Variants in CFAP44 observed in about 807,000 individuals in gnomAD.
The protein encoded by CFAP44 is cilia- and flagella-associated protein 44.
CFAP44 carries 134 observed loss-of-function variants against 216.2 expected under a neutral mutation model. The ratio of observed to expected loss-of-function variants is 0.62; its 90% CI spans 0.54 to 0.72. CFAP44 has a LOEUF of 0.72. Among genes scored for constraint, CFAP44 ranks in the 30% least tolerant of loss-of-function variants. CFAP44 has a pLI of 0.00. For synonymous variants in CFAP44, 700 were observed against 727.6 expected (o/e 0.96, Z 0.61); for missense variants, 2,035 against 2,182.1 (o/e 0.93, Z 1.34).
At chr3:113,299,068 TCA>T (rs560630771) in intron 32 of CFAP44, among the ~76,000 whole-genome samples, 8 of 152,284 alleles carry the variant, frequency 5.3e-5, no homozygotes, top group Non-Finnish European at 7.4e-5. Flanking sequence ...TAAATTAAAA[TCA>T]CACAGTTATT....
rs1015087134 is a variant in CFAP44 at position 113,317,825 on chromosome 3, T to A, written c.4516+8620A>T. ...GATGTTGCATATCTCCCTGCTACAG[T>A]CTTTTTGCAAGGGGGCCCCATGGCC... On this transcript the variant is annotated intron_variant, in intron 28 of 34. Transcript: ENST00000393845. Among the ~76,000 whole-genome samples, 45 of 152,282 alleles carry A rather than the reference T, an allele frequency of 3.0e-4. 1 individual carries two copies. The highest frequency in any genetic ancestry group is 2.9e-5 in the Non-Finnish European group (2 of 68,012).
chr3:113,295,775 G>C (rs530196005), intron 33 of CFAP44, among the ~76,000 whole-genome samples: 17 of 152,286 alleles, frequency 1.1e-4, no homozygotes, highest in African/African-American at 4.1e-4. Context: ...TCTATGCCTT[G>C]TTACAAAATT....
chr3:113,358,715 A>G, intron 22 of CFAP44, 30 bp downstream of exon 22: 1 of 1,535,320 alleles, frequency 6.5e-7, no homozygotes, highest in Non-Finnish European at 8.7e-7. Context: ...GCTCTCAAAC[A>G]TCTTAGCTTG....
rs1398651574 is a variant in CFAP44, at chr3:113,433,449, AAAAAAAAG to A, written c.100+108_100+115del. ...CATCTCAAAAAAAAAAAAAAAAAAA[AAAAAAAAG>A]ATCTATTTTATAACATCCTGCTCTT... On this transcript the variant is annotated intron_variant, in intron 2 of 34. Coordinates refer to ENST00000393845, the MANE Select transcript of CFAP44 (RefSeq NM_001164496.2). 19 of 450,718 alleles carry A rather than the reference AAAAAAAAG, an allele frequency of 4.2e-5. 2 individuals are homozygous for A. Among genetic ancestry groups the A allele is most frequent in the Non-Finnish European group, 6.2e-5 (17 of 272,332 alleles). 27.9% of individuals were successfully genotyped at this position (450,718 alleles called of 1,614,324 possible).
intron 15 of CFAP44, among the ~76,000 whole-genome samples, chr3:113,389,801 C>T (rs946715902): frequency 7.9e-5 from 12 of 151,882 alleles, no homozygotes; most frequent in Admixed American, 2.6e-4. Flanking sequence ...CAAGACTGAA[C>T]CATGAAGAAA....
At chr3:113,391,701 A>C (rs1167538165) in intron 15 of CFAP44, among the ~76,000 whole-genome samples, 1 of 150,872 alleles carries the variant, frequency 6.6e-6, no homozygotes, top group Non-Finnish European at 1.5e-5. Flanking sequence ...AAACAACTCT[A>C]TGGGGGAAAA....
Position 113,373,569 on chromosome 3 carries a change from T to G in CFAP44, c.2299-13A>C. Reference sequence around the variant, plus strand: ...AATCATAGCCACCCTAGAAAAGAGATAAGTAACATAGAAGGTGGTACTTGA... The same window carrying G: ...AATCATAGCCACCCTAGAAAAGAGAGAAGTAACATAGAAGGTGGTACTTGA... On this transcript the variant is annotated splice_polypyrimidine_tract_variant and intron_variant, in intron 17 of 34. Coordinates refer to ENST00000393845, the MANE Select transcript of CFAP44 (RefSeq NM_001164496.2). 6.4e-7 allele frequency: 1 copy of G among 1,562,828 alleles called. No individual in the cohort carries two copies. Among genetic ancestry groups the G allele is most frequent in the Non-Finnish European group, 8.7e-7 (1 of 1,153,792 alleles).
chr3:113,439,596 C>T (rs376263758), intron 1 of CFAP44, among the ~76,000 whole-genome samples: 1 of 152,178 alleles, frequency 6.6e-6, no homozygotes, highest in African/African-American at 2.4e-5. Context: ...CATTGCAATG[C>T]CTTACTCCCG....
chr3:113,410,306 AC>A (rs1308401765), intron 6 of CFAP44, among the ~76,000 whole-genome samples: 12 of 151,200 alleles, frequency 7.9e-5, no homozygotes, highest in African/African-American at 2.9e-4. Context: ...CCCCTCTCCC[AC>A]CCCACGACAG....
chr3:113,368,539 C>T (rs967904362), intron 18 of CFAP44, among the ~76,000 whole-genome samples: 12 of 152,108 alleles, frequency 7.9e-5, no homozygotes, highest in Non-Finnish European at 1.8e-4. Flanking sequence ...CAAGCAAATG[C>T]TGAGAGATTT....
chr3:113,400,790 A>C, intron 11 of CFAP44, 146 bp from the exon 12 acceptor site: 1 of 730,084 alleles, frequency 1.4e-6, no homozygotes, highest in Non-Finnish European at 2.2e-6. Context: ...GTTAGAAAGA[A>C]CACTGGTTCA....
chr3:113,344,695 T>C lies in CFAP44; in HGVS notation c.3083A>G (p.Glu1028Gly), dbSNP rs571783515. 19 of 1,497,300 alleles carry C rather than the reference T, an allele frequency of 1.3e-5. No individual in the cohort carries two copies. In the African/African-American group the frequency reaches 1.6e-4, roughly 12 times the overall value. 92.8% of individuals were successfully genotyped at this position (1,497,300 alleles called of 1,614,324 possible). The change falls in exon 23 of 35, where the codon GAA becomes GGA. Residue 1028 changes from glutamate to glycine, a missense_variant. This residue lies in a region of CFAP44 where 1,883 missense variants were observed against 2,023.7 expected (regional missense o/e 0.93). Transcript: ENST00000393845. ...GGCATGAACCACAATAGTATCACTT[T>C]CCAGTGGATCTCGAAATCTGAAAAA... ...KLKNRFRDPL[E>G]SDTIVVHAIL...
rs1181312550 is a variant in CFAP44 at position 113,305,016 on chromosome 3, A to G, written c.4875+20T>C. ...TGACTCTTCTCGGACAGGATGGAGC[A>G]GCCTCCCCAGACGCATCACCTGGTG... On this transcript the variant is annotated intron_variant, in intron 31 of 34. Coordinates refer to ENST00000393845, the MANE Select transcript of CFAP44 (RefSeq NM_001164496.2). The G allele has an allele frequency of 3.3e-6, 5 of 1,534,272 alleles. No individual in the cohort carries two copies. The African/African-American group carries it at 5.5e-5, about 17-fold the overall frequency.
At chr3:113,310,683 A>C (rs13068107) in intron 28 of CFAP44, among the ~76,000 whole-genome samples, 19,230 of 152,204 alleles carry the variant, frequency 0.13, 1,254 homozygotes, top group Non-Finnish European at 0.15. Context: ...GTGTTGGAGG[A>C]GGGGCCTGTT....
At position 113,289,319 on chromosome 3, in the gene CFAP44, G is replaced by A. The variant is rs571133276; in HGVS notation, c.*2238C>T. On this transcript the variant is annotated 3_prime_UTR_variant, in exon 35 of 35. Coordinates refer to ENST00000393845, the MANE Select transcript of CFAP44 (RefSeq NM_001164496.2). ...TTAACTAGTGATTTAGTCCAGCTCA[G>A]TTTGGGAATAATTATCCCGATTAGC... 1.1e-4 allele frequency: 17 copies of A among 152,342 alleles called. No homozygotes were observed. The highest frequency in any genetic ancestry group is 3.3e-4 in the Admixed American group (5 of 15,308). 9.4% of individuals were successfully genotyped at this position (152,342 alleles called of 1,614,324 possible). A position where few individuals can be genotyped will look rare whatever the true frequency, so the allele number is the denominator to read the frequency against.
intron 28 of CFAP44, among the ~76,000 whole-genome samples, chr3:113,311,166 AACATACTTGAAGGAAATGAAAAAAT>A (rs1264960279): frequency 2.6e-5 from 4 of 152,234 alleles, no homozygotes; most frequent in African/African-American, 7.2e-5. Context: ...GCAAAATTTG[AACATACTTGAAGGAAATGAAAAAAT>A]GCAAAGCCTC....
chr3:113,372,877 T>C (rs1009810599), intron 18 of CFAP44, among the ~76,000 whole-genome samples: 6 of 152,218 alleles, frequency 3.9e-5, no homozygotes, highest in Non-Finnish European at 7.3e-5. Flanking sequence ...CACCTTGATC[T>C]TGGAACTCTA....
intron 8 of CFAP44, among the ~76,000 whole-genome samples, chr3:113,406,282 C>T (rs1934275843): frequency 6.6e-6 from 1 of 152,112 alleles, no homozygotes; most frequent in Admixed American, 6.6e-5. Flanking sequence ...TAACCTTTGA[C>T]CCAATAAGTC....
At chr3:113,323,008 T>A (rs1015915799) in intron 28 of CFAP44, among the ~76,000 whole-genome samples, 1 of 152,144 alleles carries the variant, frequency 6.6e-6, no homozygotes, top group Non-Finnish European at 1.5e-5. Context: ...GGAAGCCCCT[T>A]ATAAAGCCAT....
Sources: gnomAD v4.1 joint callset for allele counts (sites outside exome capture counted in the v4.1 genomes callset) on GRCh38, gnomAD v4.1.1 for gene constraint, gnomAD v4.1.1 regional missense constraint, MANE v1.5 for transcripts, NCBI Gene and HGNC (gene_info 2026-07-23, HGNC 2026-07-21) for gene names.